LCK: variants seen among roughly 807,000 people sequenced by gnomAD.
The protein encoded by LCK is LCK proto-oncogene, Src family tyrosine kinase.
LCK carries 14 observed loss-of-function variants against 64.6 expected under a neutral mutation model. The ratio of observed to expected loss-of-function variants is 0.22; its 90% CI spans 0.14 to 0.34. The LOEUF (loss-of-function observed/expected upper bound fraction) is 0.34. Among genes scored for constraint, LCK ranks in the 10% least tolerant of loss-of-function variants. The pLI is 1.00. For synonymous variants in LCK, 277 were observed against 263.6 expected, an observed-to-expected ratio of 1.05 and a Z score of -0.49; for missense variants, 434 against 668.1, an observed-to-expected ratio of 0.65 and a Z score of 3.86.
chr1:32,260,072 T>C (rs1569907723), intron 1 of LCK, among the ~76,000 whole-genome samples: 2 of 151,862 alleles, frequency 1.3e-5, no homozygotes, highest in Admixed American at 6.6e-5. Flanking sequence ...TGAGACAGAG[T>C]CTTGCTCTGT....
Position 32,285,518 on chromosome 1 carries a change from G to A in LCK, c.1332G>A (p.Met444Ile), listed in dbSNP as rs1640589296. The A allele has an allele frequency of 6.2e-7, 1 of 1,613,964 alleles. No homozygotes were observed. The highest frequency in any genetic ancestry group is 1.3e-5 in the African/African-American group (1 of 74,938). Reference protein sequence around the residue: ...VTHGRIPYPGMTNPEVIQNLE... With the variant: ...VTHGRIPYPGITNPEVIQNLE... ...CTTTCACCCATCAACCCGTAGGGATGACCAACCCGGAGGTGATTCAGAACC... is the reference window on the plus strand; with the variant it reads ...CTTTCACCCATCAACCCGTAGGGATAACCAACCCGGAGGTGATTCAGAACC... Residue 444 changes from methionine (M) to isoleucine (I), a missense_variant, in exon 13 of 13, where the codon ATG becomes ATA. Physicochemically the swap from Met to Ile is conservative, Grantham distance 10 (BLOSUM62 1). Coordinates refer to ENST00000336890, the MANE Select transcript of LCK (RefSeq NM_005356.5).
chr1:32,281,036 G>A (rs1174966242), intron 12 of LCK, among the ~76,000 whole-genome samples: 1 of 152,150 alleles, frequency 6.6e-6, no homozygotes. Flanking sequence ...GAGCCCAGGA[G>A]TTCGAGACCA....
chr1:32,266,097 C>CT (rs1639900605), intron 1 of LCK, among the ~76,000 whole-genome samples: 2 of 152,094 alleles, frequency 1.3e-5, no homozygotes, highest in South Asian at 4.1e-4. Flanking sequence ...GTAGCTAGGA[C>CT]TACAGGGGCG....
At position 32,274,717 on chromosome 1, in the gene LCK, C is replaced by T. The variant is rs1329300090; in HGVS notation, c.106-20C>T. ...CCAATCTTCTGCTTTCTGACCCCAC[C>T]CTCATCCCCCACTCCACAGCTGCTC... On this transcript the variant is annotated intron_variant, in intron 2 of 12. Transcript: ENST00000336890. 6.4e-7 allele frequency: 1 copy of T among 1,552,608 alleles called. No homozygotes were observed. Among genetic ancestry groups the T allele is most frequent in the Admixed American group, 1.8e-5 (1 of 54,898 alleles).
At chr1:32,280,033 G>A in intron 11 of LCK, 39 bp downstream of exon 11, 1 of 1,613,940 alleles carries the variant, frequency 6.2e-7, no homozygotes, top group South Asian at 1.1e-5. Flanking sequence ...GCCCTGCAGG[G>A]TCTGGCCAAG....
intron 9 of LCK, 139 bp from the exon 10 acceptor site, chr1:32,279,532 A>T (rs765600428): frequency 2.6e-6 from 4 of 1,543,944 alleles, no homozygotes; most frequent in Non-Finnish European, 3.5e-6. Flanking sequence ...CTTACCCTGA[A>T]CACACACTCC....
chr1:32,281,470 AAAAAG>A (rs1188940189), intron 12 of LCK, among the ~76,000 whole-genome samples: 2 of 151,210 alleles, frequency 1.3e-5, no homozygotes, highest in African/African-American at 4.8e-5. Context: ...AAAAAAAAAA[AAAAAG>A]AAAAAGAAAA....
At chr1:32,281,638 A>G (rs1319884949) in intron 12 of LCK, among the ~76,000 whole-genome samples, 1 of 152,084 alleles carries the variant, frequency 6.6e-6, no homozygotes, top group Non-Finnish European at 1.5e-5. Flanking sequence ...GGAACTTGCT[A>G]AGAAACTCTG....
At position 32,276,872 on chromosome 1, in the gene LCK, C is replaced by T. The variant is rs1412973089; in HGVS notation, c.964+86C>T. The T allele has an allele frequency of 2.3e-6, 3 of 1,333,064 alleles. No individual in the cohort carries two copies. The highest frequency in any genetic ancestry group is 1.5e-5 in the African/African-American group (1 of 67,606). 82.6% of individuals were successfully genotyped at this position (1,333,064 alleles called of 1,614,324 possible). The stretch of plus-strand genomic sequence containing the variant: ...GGTGGAAATACACCTTTTCTTCTGG[C>T]CCAAAGCTCAAGCAAGGAGGGTTTC... On this transcript the variant is annotated intron_variant, in intron 9 of 12. Transcript: ENST00000336890. This position sits in a 1 kb window ranked among gnomAD's most constrained non-coding sequence, Gnocchi z 4.6.
chr1:32,264,876 G>T (rs994212815), intron 1 of LCK, among the ~76,000 whole-genome samples: 1 of 152,100 alleles, frequency 6.6e-6, no homozygotes, highest in Non-Finnish European at 1.5e-5. Context: ...GGGATTACAG[G>T]TGTGAGTCAC....
intron 1 of LCK, among the ~76,000 whole-genome samples, chr1:32,272,648 A>C (rs926291510): frequency 4.5e-5 from 6 of 132,168 alleles, no homozygotes; most frequent in African/African-American, 8.7e-5. Flanking sequence ...AGAGAGAGAG[A>C]GCGAGAGAGC....
At chr1:32,270,163 C>T (rs931475690) in intron 1 of LCK, among the ~76,000 whole-genome samples, 2 of 151,586 alleles carry the variant, frequency 1.3e-5, no homozygotes, top group Non-Finnish European at 2.9e-5. Flanking sequence ...TTGGAGTGAA[C>T]AGTGCGGTGG....
At chr1:32,262,122 G>T (rs1639791482) in intron 1 of LCK, among the ~76,000 whole-genome samples, 1 of 146,086 alleles carries the variant, frequency 6.8e-6, no homozygotes, top group Admixed American at 6.8e-5. Flanking sequence ...GACCTCAAGT[G>T]ATTCACCTGC....
intron 1 of LCK, among the ~76,000 whole-genome samples, chr1:32,266,319 C>T (rs377655239): frequency 1.3e-5 from 2 of 149,938 alleles, no homozygotes; most frequent in Admixed American, 6.7e-5. Flanking sequence ...GGTGAAACCC[C>T]GTCTCTACTA....
At chr1:32,256,742 A>C (rs1489726096) in intron 1 of LCK, among the ~76,000 whole-genome samples, 3 of 152,206 alleles carry the variant, frequency 2.0e-5, no homozygotes, top group Admixed American at 2.0e-4. Flanking sequence ...GCAGCAGCCT[A>C]AGCCCAAAGT....
rs907984618 is a variant in LCK, at chr1:32,251,932, G to C, written c.-6+561G>C. The stretch of plus-strand genomic sequence containing the variant: ...AGAGAGAGAGAGAGAGAGAGAGAGA[G>C]AGAGACAGAGATCACCCAAGGCATC... On this transcript the variant is annotated intron_variant, in intron 1 of 12. Transcript: ENST00000336890. The surrounding 1 kb of genome is among the most constrained non-coding windows in gnomAD (Gnocchi z 4.0). Among the ~76,000 whole-genome samples, 217 of 149,804 alleles carry C rather than the reference G, an allele frequency of 1.4e-3. No homozygotes were observed. The highest frequency in any genetic ancestry group is 5.0e-3 in the African/African-American group (200 of 40,282).
intron 12 of LCK, among the ~76,000 whole-genome samples, chr1:32,282,927 C>T (rs529100316): frequency 6.6e-6 from 1 of 152,206 alleles, no homozygotes; most frequent in South Asian, 2.1e-4. Flanking sequence ...AGCCTGTGGG[C>T]TTGCACCCTT....
intron 2 of LCK, 61 bp from the exon 3 acceptor site, chr1:32,274,676 G>T (rs889461597): frequency 7.4e-7 from 1 of 1,353,774 alleles, no homozygotes; most frequent in Admixed American, 2.1e-5. Flanking sequence ...AGGGGGGAAG[G>T]GGGCCAGGGT....
chr1:32,275,045 G>T lies in LCK; in HGVS notation c.240G>T (p.Leu80=), dbSNP rs765619775. The T allele has an allele frequency of 6.2e-7, 1 of 1,614,086 alleles. No individual in the cohort carries two copies. The highest frequency in any genetic ancestry group is 8.5e-7 in the Non-Finnish European group (1 of 1,179,956). Residue 80 remains leucine, a synonymous_variant, in exon 4 of 13, where the codon CTG becomes CTT. Transcript: ENST00000336890. The surrounding 1 kb of genome is among the most constrained non-coding windows in gnomAD (Gnocchi z 6.9). ...ATGAGCCCTCTCACGACGGAGATCT[G>T]GGCTTTGAGAAGGGGGAACAGCTCC... ...HSYEPSHDGD[L]GFEKGEQLRI...
Sources: allele counts gnomAD v4.1 joint callset (sites outside exome capture counted in the v4.1 genomes callset), GRCh38; gene constraint gnomAD v4.1.1; non-coding constraint Gnocchi (gnomAD v3.1); transcripts MANE v1.5; gene names NCBI Gene and HGNC (gene_info 2026-07-23, HGNC 2026-07-21).